The following DTNA variants were observed in gnomAD, a reference collection of about 807,000 sequenced individuals.
DTNA encodes dystrobrevin alpha, also known as dystrophin-related protein 3.
Under a neutral mutation model 100.7 loss-of-function variants are expected in DTNA, and 43 were observed. The ratio of observed to expected loss-of-function variants is 0.43; its 90% CI spans 0.33 to 0.55. The LOEUF (loss-of-function observed/expected upper bound fraction) is 0.55, where lower values mean the gene tolerates loss of function less well. Among genes scored for constraint, DTNA ranks in the 20% least tolerant of loss-of-function variants. The pLI, the probability that DTNA is intolerant of heterozygous loss-of-function variation, is 0.04. For missense variants in DTNA, 798 were observed against 953.9 expected (o/e 0.84, Z 2.15); for synonymous variants, 349 against 347.9 (o/e 1.00, Z -0.04).
At chr18:34,558,979 C>T (rs2046388308) in intron 1 of DTNA, among the ~76,000 whole-genome samples, 1 of 152,150 alleles carries the variant, frequency 6.6e-6, no homozygotes, top group Non-Finnish European at 1.5e-5. Context: ...CACATGGCCA[C>T]TCTTAATGTT....
chr18:34,795,968 G>A (rs1262617866), intron 4 of DTNA, among the ~76,000 whole-genome samples: 1 of 152,192 alleles, frequency 6.6e-6, no homozygotes, highest in Non-Finnish European at 1.5e-5. Flanking sequence ...TTGATGAAAA[G>A]CTAAGTTTGA....
chr18:34,661,687 G>A (rs904101830), intron 1 of DTNA, among the ~76,000 whole-genome samples: 1 of 152,108 alleles, frequency 6.6e-6, no homozygotes, highest in Non-Finnish European at 1.5e-5. Flanking sequence ...ACCACTAGAG[G>A]GAGATAAAGG....
chr18:34,570,003 C>T (rs558011555), intron 1 of DTNA, among the ~76,000 whole-genome samples: 9 of 152,302 alleles, frequency 5.9e-5, no homozygotes, highest in Non-Finnish European at 1.0e-4. Context: ...ATGACACATA[C>T]GTTCCATTAG....
intron 3 of DTNA, among the ~76,000 whole-genome samples, chr18:34,768,478 C>T (rs1232313683): frequency 2.6e-5 from 4 of 152,142 alleles, no homozygotes; most frequent in African/African-American, 7.2e-5. Context: ...GTGTTGTCTG[C>T]AGCTGTGGTC....
At chr18:34,692,037 C>T (rs1241465067) in intron 1 of DTNA, among the ~76,000 whole-genome samples, 8 of 152,200 alleles carry the variant, frequency 5.3e-5, no homozygotes, top group Non-Finnish European at 1.5e-5. Context: ...CATATCTTAG[C>T]TTCTCATGTT....
chr18:34,741,167 G>T (rs1369402828), intron 1 of DTNA, among the ~76,000 whole-genome samples: 3 of 152,122 alleles, frequency 2.0e-5, no homozygotes, highest in Non-Finnish European at 4.4e-5. Flanking sequence ...TTTTAATTAG[G>T]TTAATGTAAT....
At chr18:34,817,374 C>A (rs1056315830) in intron 7 of DTNA, among the ~76,000 whole-genome samples, 2 of 152,120 alleles carry the variant, frequency 1.3e-5, no homozygotes, top group African/African-American at 2.4e-5. Context: ...GTATCTAGCT[C>A]ATAGCATGTA....
chr18:34,761,950 T>A (rs1189989535), intron 2 of DTNA, among the ~76,000 whole-genome samples: 2 of 152,022 alleles, frequency 1.3e-5, no homozygotes, highest in Non-Finnish European at 2.9e-5. Flanking sequence ...TGAAAAAAAA[T>A]GTAACGAGAA....
intron 13 of DTNA, among the ~76,000 whole-genome samples, chr18:34,841,095 A>G (rs935611227): frequency 1.3e-5 from 2 of 152,140 alleles, no homozygotes; most frequent in African/African-American, 4.8e-5. Flanking sequence ...AAGTAAGCCC[A>G]TGGAGTAAAT....
chr18:34,765,852 A>C (rs2093439152), intron 2 of DTNA, 109 bp from the exon 3 acceptor site: 6 of 1,058,036 alleles, frequency 5.7e-6, no homozygotes, highest in Non-Finnish European at 8.4e-6. Context: ...ATTCTAATAA[A>C]AATAAAATTA....
At chr18:34,747,457 C>T (rs2091781590) in intron 1 of DTNA, among the ~76,000 whole-genome samples, 1 of 152,044 alleles carries the variant, frequency 6.6e-6, no homozygotes, top group South Asian at 2.1e-4. Flanking sequence ...GCAGCAAACA[C>T]TGTACCCAAT....
chr18:34,652,465 T>C (rs772825255), intron 1 of DTNA, among the ~76,000 whole-genome samples: 5 of 152,172 alleles, frequency 3.3e-5, no homozygotes, highest in Non-Finnish European at 7.3e-5. Context: ...GCTTATTTCC[T>C]TGACTGGAAT....
At position 34,888,807 on chromosome 18, in the gene DTNA, G is replaced by C; in HGVS notation, c.*1073G>C. 1 of 985,818 alleles carries C rather than the reference G, an allele frequency of 1.0e-6. No homozygotes were observed. Among genetic ancestry groups the C allele is most frequent in the Non-Finnish European group, 1.2e-6 (1 of 829,938 alleles). 61.1% of individuals were successfully genotyped at this position (985,818 alleles called of 1,614,324 possible). A position where few individuals can be genotyped will look rare whatever the true frequency, so the allele number is the denominator to read the frequency against. Reference sequence around the variant, plus strand: ...AGTTCCCCCATCAAGTTGTTTGGAGGCCTTCAGCTTTAAATGTACAGGCTT... The same window carrying C: ...AGTTCCCCCATCAAGTTGTTTGGAGCCCTTCAGCTTTAAATGTACAGGCTT... On this transcript the variant is annotated 3_prime_UTR_variant, in exon 23 of 23. Coordinates refer to ENST00000444659, the MANE Select transcript of DTNA (RefSeq NM_001386795.1).
intron 7 of DTNA, 118 bp from the exon 8 acceptor site, chr18:34,818,046 C>A: frequency 6.3e-7 from 1 of 1,589,432 alleles, no homozygotes; most frequent in South Asian, 1.1e-5. Context: ...CCCAAATCAA[C>A]TATCATCTGA....
intron 1 of DTNA, among the ~76,000 whole-genome samples, chr18:34,539,439 G>C (rs895796131): frequency 7.2e-5 from 11 of 151,974 alleles, no homozygotes; most frequent in Non-Finnish European, 1.2e-4. Flanking sequence ...GGTAATGGTG[G>C]TTGGCTGACT....
intron 1 of DTNA, among the ~76,000 whole-genome samples, chr18:34,564,330 G>C (rs1205733257): frequency 6.6e-6 from 1 of 152,104 alleles, no homozygotes; most frequent in African/African-American, 2.4e-5. Flanking sequence ...TTTTAGTAGA[G>C]ACAGGGTTTC....
rs181152089 is a variant in DTNA at position 34,650,127 on chromosome 18, A to C, written c.-1-105849A>C. On this transcript the variant is annotated intron_variant, in intron 1 of 19. Transcript: ENST00000283365. Reference sequence around the variant, plus strand: ...AGTCAAAAGACTTAAATTTGTTTCAAGTTTCTCCGTTGCACGGATCAGCCA... The same window carrying C: ...AGTCAAAAGACTTAAATTTGTTTCACGTTTCTCCGTTGCACGGATCAGCCA... 1.3e-3 allele frequency among the ~76,000 whole-genome samples: 201 copies of C among 152,280 alleles called. 3 individuals are homozygous for C. Among genetic ancestry groups the C allele is most frequent in the Admixed American group, 0.012 (191 of 15,292 alleles).
intron 3 of DTNA, among the ~76,000 whole-genome samples, chr18:34,778,368 A>G (rs1250338682): frequency 6.6e-6 from 1 of 152,114 alleles, no homozygotes; most frequent in Non-Finnish European, 1.5e-5. Flanking sequence ...AGTGGCACCG[A>G]TTGTCTCCAC....
chr18:34,498,827 A>G (rs2039574694), intron 1 of DTNA, among the ~76,000 whole-genome samples: 1 of 152,228 alleles, frequency 6.6e-6, no homozygotes, highest in Admixed American at 6.5e-5. Flanking sequence ...AAGTATGCAA[A>G]CATATAAATC....
Sources: allele counts gnomAD v4.1 joint callset (sites outside exome capture counted in the v4.1 genomes callset), GRCh38; gene constraint gnomAD v4.1.1; transcripts MANE v1.5; gene names NCBI Gene and HGNC (gene_info 2026-07-23, HGNC 2026-07-21).